Variants in UNC5C observed in about 807,000 individuals in gnomAD.
UNC5C encodes the protein netrin receptor UNC5C.
UNC5C carries 47 observed loss-of-function variants against 99.8 expected under a neutral mutation model. The observed-to-expected ratio is 0.47, with a 90% CI of 0.37 to 0.60. The LOEUF (loss-of-function observed/expected upper bound fraction) is 0.60, where lower values mean the gene tolerates loss of function less well. Ranked by LOEUF, UNC5C falls within the 20% of genes least tolerant of loss-of-function variation. The pLI is 0.00. For synonymous variants in UNC5C, 487 were observed against 452.2 expected (o/e 1.08, Z -0.98); for missense variants, 1,062 against 1,165.9 (o/e 0.91, Z 1.30).
At chr4:95,331,368 T>G (rs1743105186) in intron 2 of UNC5C, among the ~76,000 whole-genome samples, 1 of 152,106 alleles carries the variant, frequency 6.6e-6, no homozygotes, top group Non-Finnish European at 1.5e-5. Flanking sequence ...TGGTGTTCTA[T>G]TTTTAGTTCT....
rs1405040182 is a variant in UNC5C at position 95,163,334 on chromosome 4, T to G, written c.*5900A>C. The G allele has an allele frequency of 6.6e-6, 1 of 152,190 alleles. No homozygotes were observed. Among genetic ancestry groups the G allele is most frequent in the Non-Finnish European group, 1.5e-5 (1 of 68,036 alleles). 9.4% of individuals were successfully genotyped at this position (152,190 alleles called of 1,614,324 possible). The stretch of plus-strand genomic sequence containing the variant: ...TAGATTTCTTGCTCTTATATGTCAC[T>G]CCGAACAGAGTTGTTTTAACATTGA... On this transcript the variant is annotated 3_prime_UTR_variant, in exon 16 of 16. Transcript: ENST00000453304.
intron 12 of UNC5C, among the ~76,000 whole-genome samples, chr4:95,192,653 CTCACCTCTTCCCCTGCTCACCTCCTCTGT>C (rs1737199637): frequency 6.7e-6 from 1 of 149,560 alleles, no homozygotes; most frequent in South Asian, 2.2e-4. Flanking sequence ...ACCTCTTCTG[CTCACCTCTTCCCCTGCTCACCTCCTCTGT>C]TCACCCTCCT....
rs1041643728 is a variant in UNC5C at position 95,183,014 on chromosome 4, G to A, written c.2334C>T (p.His778=). 2.5e-6 allele frequency: 4 copies of A among 1,612,352 alleles called. No homozygotes were observed. The highest frequency in any genetic ancestry group is 3.4e-6 in the Non-Finnish European group (4 of 1,178,748). ...TAAATCTTTCCAGAGTGAAGGTGCA[G>A]TGCAGGTTTCTTTGAGATCCACTCC... ...HVWSGSQRNL[H]CTFTLERFSL... is the part of the protein sequence containing the mutation. The change falls in exon 14 of 16, where the codon CAC becomes CAT. Residue 778 remains histidine, a synonymous_variant. Coordinates refer to ENST00000453304, the MANE Select transcript of UNC5C (RefSeq NM_003728.4).
At chr4:95,176,030 C>T (rs1239309705) in intron 14 of UNC5C, among the ~76,000 whole-genome samples, 28 of 150,686 alleles carry the variant, frequency 1.9e-4, no homozygotes, top group Middle Eastern at 3.4e-3. Context: ...TCCAGTTGAT[C>T]GCATTGGCTC....
In UNC5C at chr4:95,165,197, A is replaced by G. The variant is rs1735815155; in HGVS notation, c.*4037T>C. On this transcript the variant is annotated 3_prime_UTR_variant, in exon 16 of 16. Transcript: ENST00000453304. Reference sequence around the variant, plus strand: ...TTGTAGGAAAAAATACCTTAAAAAAATTACTGGTCGCATAGTTTCAGGGTG... The same window carrying G: ...TTGTAGGAAAAAATACCTTAAAAAAGTTACTGGTCGCATAGTTTCAGGGTG... The G allele has an allele frequency of 1.3e-5, 2 of 152,238 alleles. 1 individual carries two copies. The highest frequency in any genetic ancestry group is 1.3e-4 in the Admixed American group (2 of 15,286). The allele number at this position is 152,238 out of a possible 1,614,324, so 9.4% of individuals were successfully genotyped here.
chr4:95,230,913 T>C (rs1360220583), intron 7 of UNC5C, among the ~76,000 whole-genome samples: 1 of 152,104 alleles, frequency 6.6e-6, no homozygotes, highest in Non-Finnish European at 1.5e-5. Flanking sequence ...AAGTTCTGTT[T>C]GTAAGGTTTT....
chr4:95,220,090 A>G lies in UNC5C; in HGVS notation c.1195T>C (p.Leu399=), dbSNP rs761095905. The part of the protein sequence containing the change: ...VCLAISVVVA[L]FVYRKNHRDF... The stretch of plus-strand genomic sequence containing the variant: ...CGATGATTCTTCCGATACACAAACA[A>G]GGCCACAACTACAGAGATCGCCAGG... Residue 399 remains leucine, a synonymous_variant, in exon 8 of 16, where the codon TTG becomes CTG. Coordinates refer to ENST00000453304, the MANE Select transcript of UNC5C (RefSeq NM_003728.4). 1.2e-5 allele frequency: 20 copies of G among 1,614,036 alleles called. No individual in the cohort carries two copies. The highest frequency in any genetic ancestry group is 1.7e-5 in the Admixed American group (1 of 60,000).
At chr4:95,345,883 T>G (rs530276288) in intron 1 of UNC5C, among the ~76,000 whole-genome samples, 1 of 151,986 alleles carries the variant, frequency 6.6e-6, no homozygotes, top group East Asian at 1.9e-4. Flanking sequence ...TAGCTTTAAG[T>G]GCCTACATCT....
intron 1 of UNC5C, among the ~76,000 whole-genome samples, chr4:95,461,195 A>T (rs1345637811): frequency 6.6e-6 from 1 of 152,200 alleles, no homozygotes; most frequent in African/African-American, 2.4e-5. Flanking sequence ...AATGCAAAGT[A>T]TCTTTTTCCT....
intron 1 of UNC5C, among the ~76,000 whole-genome samples, chr4:95,499,348 G>A (rs983551200): frequency 2.6e-5 from 4 of 152,020 alleles, no homozygotes; most frequent in Non-Finnish European, 4.4e-5. Context: ...AATTCTCACC[G>A]GCTGTGGAGC....
At chr4:95,526,065 T>G (rs1053678776) in intron 1 of UNC5C, among the ~76,000 whole-genome samples, 13 of 152,182 alleles carry the variant, frequency 8.5e-5, no homozygotes, top group African/African-American at 3.1e-4. Context: ...AATCAATTAT[T>G]TTCTTCAAAT....
chr4:95,251,552 A>G (rs561812864), intron 4 of UNC5C, among the ~76,000 whole-genome samples: 1 of 152,304 alleles, frequency 6.6e-6, no homozygotes, highest in South Asian at 2.1e-4. Context: ...GAGGTAAACT[A>G]CTTCTTATTC....
At chr4:95,402,992 T>C (rs898141885) in intron 1 of UNC5C, among the ~76,000 whole-genome samples, 4 of 152,204 alleles carry the variant, frequency 2.6e-5, no homozygotes, top group African/African-American at 9.7e-5. Flanking sequence ...GTAAGGTGTT[T>C]AAGATATCTT....
chr4:95,319,764 T>A (rs1742610951), intron 2 of UNC5C, among the ~76,000 whole-genome samples: 1 of 152,156 alleles, frequency 6.6e-6, no homozygotes, highest in Non-Finnish European at 1.5e-5. Context: ...TGGAAATTTT[T>A]AACTAAAAAG....
rs541669083 is a variant in UNC5C, at chr4:95,227,137, ATGT to A, written c.1109-6964_1109-6962del. ...TATAACCTATATCCACTTTAAAACA[ATGT>A]TTTTTTTTTTTTTTAAATATTTATT... On this transcript the variant is annotated intron_variant, in intron 7 of 15. Coordinates refer to ENST00000453304, the MANE Select transcript of UNC5C (RefSeq NM_003728.4). Among the ~76,000 whole-genome samples the A allele has an allele frequency of 6.2e-3, 760 of 122,268 alleles. 10 individuals carry two copies. The highest frequency in any genetic ancestry group is 0.022 in the African/African-American group (659 of 30,258). The allele number at this position is 122,268 out of a possible 152,430, so 80.2% of individuals were successfully genotyped here.
intron 7 of UNC5C, among the ~76,000 whole-genome samples, chr4:95,226,044 A>G (rs192129033): frequency 6.6e-6 from 1 of 152,336 alleles, no homozygotes; most frequent in Non-Finnish European, 1.5e-5. Flanking sequence ...TTCTTCAGCT[A>G]ATGAGGTGAC....
chr4:95,272,435 C>T (rs899301607), intron 4 of UNC5C, among the ~76,000 whole-genome samples: 2 of 152,134 alleles, frequency 1.3e-5, no homozygotes, highest in Non-Finnish European at 1.5e-5. Context: ...GTTTATGTTG[C>T]TTAAACTTAT....
chr4:95,311,588 G>A (rs1742278732), intron 2 of UNC5C, among the ~76,000 whole-genome samples: 1 of 152,070 alleles, frequency 6.6e-6, no homozygotes, highest in African/African-American at 2.4e-5. Flanking sequence ...AACGAAAGTG[G>A]GGCATAGTAA....
intron 4 of UNC5C, among the ~76,000 whole-genome samples, chr4:95,263,436 T>C (rs1740320690): frequency 6.6e-6 from 1 of 152,162 alleles, no homozygotes; most frequent in South Asian, 2.1e-4. Context: ...AAGCAAGAAA[T>C]TCTACCAGGG....
Sources: gnomAD v4.1 joint callset for allele counts (sites outside exome capture counted in the v4.1 genomes callset) on GRCh38, gnomAD v4.1.1 for gene constraint, MANE v1.5 for transcripts, NCBI Gene and HGNC (gene_info 2026-07-23, HGNC 2026-07-21) for gene names.